KANSL1: variants seen among roughly 807,000 people sequenced by gnomAD.
KANSL1 encodes the protein KAT8 regulatory NSL complex subunit 1, also known as MLL1/MLL complex subunit KANSL1.
Under a neutral mutation model 103.6 loss-of-function variants are expected in KANSL1, and 22 were observed. The observed-to-expected ratio is 0.21, with a 90% CI of 0.15 to 0.30. KANSL1 has a LOEUF of 0.30. Among genes scored for constraint, KANSL1 ranks in the 10% least tolerant of loss-of-function variants. KANSL1 has a pLI of 1.00. For missense variants in KANSL1, 1,337 were observed against 1,399.8 expected, an observed-to-expected ratio of 0.96 and a Z score of 0.72; for synonymous variants, 600 against 527.6, an observed-to-expected ratio of 1.14 and a Z score of -1.88.
chr17:46,034,135 A>C (rs757306930), intron 11 of KANSL1, 26 bp downstream of exon 11: 1 of 1,611,918 alleles, frequency 6.2e-7, no homozygotes, highest in African/African-American at 1.3e-5. Flanking sequence ...GAATGGGGAG[A>C]GGAGCCAACT....
intron 2 of KANSL1, among the ~76,000 whole-genome samples, chr17:46,117,809 CA>C: frequency 6.6e-6 from 1 of 152,210 alleles, no homozygotes; most frequent in African/African-American, 2.4e-5. Context: ...TCAAATAACT[CA>C]AAAAGACACA....
At chr17:46,074,435 A>C (rs1393631765) in intron 4 of KANSL1, among the ~76,000 whole-genome samples, 2 of 152,182 alleles carry the variant, frequency 1.3e-5, no homozygotes, top group East Asian at 1.9e-4. Context: ...GAAGTAGAAC[A>C]ACCACCCTTT....
chr17:46,224,171 A>G (rs1440235750), upstream of KANSL1, among the ~76,000 whole-genome samples: 1 of 152,250 alleles, frequency 6.6e-6, no homozygotes, highest in Non-Finnish European at 1.5e-5. Context: ...ATATTTAGTA[A>G]AGTAAAACTT....
At chr17:46,222,265 C>G (rs1353055036) in intron 1 of KANSL1, 1 of 146,518 alleles carries the variant, frequency 6.8e-6, no homozygotes, top group Non-Finnish European at 1.6e-5. Context: ...GAGGTAAAAC[C>G]TTAAACACTG....
At position 46,180,425 on chromosome 17, in the gene KANSL1, G is replaced by A. The variant is rs192169491; in HGVS notation, c.-89-8193C>T. On this transcript the variant is annotated intron_variant, in intron 1 of 14. Transcript: ENST00000432791. ...TGGTAGGAGAATCGCTGAAACCTGAGCGGCAGAGGTTGCAGTGAGCCGAGA... is the reference window on the plus strand; with the variant it reads ...TGGTAGGAGAATCGCTGAAACCTGAACGGCAGAGGTTGCAGTGAGCCGAGA... Among the ~76,000 whole-genome samples, 55 of 152,300 alleles carry A rather than the reference G, an allele frequency of 3.6e-4. No individual in the cohort carries two copies. The East Asian group carries it at 9.1e-3, about 25-fold the overall frequency.
chr17:46,113,130 G>A (rs891562967), intron 2 of KANSL1, among the ~76,000 whole-genome samples: 16 of 152,140 alleles, frequency 1.1e-4, no homozygotes, highest in Admixed American at 2.6e-4. Context: ...GGGGTGGGGG[G>A]ATGGTACTTG....
intron 2 of KANSL1, among the ~76,000 whole-genome samples, chr17:46,132,239 T>C (rs1168212487): frequency 6.6e-6 from 1 of 152,242 alleles, no homozygotes; most frequent in Non-Finnish European, 1.5e-5. Context: ...TTCCCATTTA[T>C]TTAGCTGTGT....
At chr17:46,180,348 AT>A (rs1211788076) in intron 1 of KANSL1, among the ~76,000 whole-genome samples, 1 of 151,912 alleles carries the variant, frequency 6.6e-6, no homozygotes, top group African/African-American at 2.4e-5. Context: ...ATACAAAAAA[AT>A]CAGCTGGGTG....
intron 2 of KANSL1, among the ~76,000 whole-genome samples, chr17:46,139,869 GGA>G (rs1247071458): frequency 4.6e-5 from 7 of 152,128 alleles, no homozygotes; most frequent in Non-Finnish European, 8.8e-5. Context: ...AAAAGAAAAA[GGA>G]GAGAGGGAAG....
chr17:46,053,587 A>G (rs1043860572), intron 6 of KANSL1, among the ~76,000 whole-genome samples: 7 of 151,822 alleles, frequency 4.6e-5, no homozygotes, highest in African/African-American at 1.5e-4. Flanking sequence ...GCCCACCACC[A>G]CACCCAGCTA....
chr17:46,087,873 T>TCATA (rs2079224420), intron 3 of KANSL1, among the ~76,000 whole-genome samples: 1 of 124,784 alleles, frequency 8.0e-6, no homozygotes, highest in African/African-American at 2.5e-5. Context: ...TGAGAAAACT[T>TCATA]CATAATGTTC....
chr17:46,075,638 A>G (rs1039445375), intron 4 of KANSL1, among the ~76,000 whole-genome samples: 2 of 152,226 alleles, frequency 1.3e-5, no homozygotes, highest in Non-Finnish European at 2.9e-5. Context: ...GCCTAAAATC[A>G]TATTTTAAAA....
upstream of KANSL1, among the ~76,000 whole-genome samples, chr17:46,197,002 C>T (rs1196243866): frequency 6.6e-6 from 1 of 152,042 alleles, no homozygotes; most frequent in Non-Finnish European, 1.5e-5. Flanking sequence ...GTAGTCCAAG[C>T]TACTCAGAGG....
chr17:46,085,580 C>T (rs574714828), intron 3 of KANSL1, among the ~76,000 whole-genome samples: 5 of 152,214 alleles, frequency 3.3e-5, no homozygotes, highest in African/African-American at 7.2e-5. Context: ...ACCTCCCCCT[C>T]CCGGGCTCAA....
At position 46,030,673 on chromosome 17, in the gene KANSL1, G is replaced by A. The variant is rs2146291730; in HGVS notation, c.*803C>T. 6.6e-6 allele frequency: 1 copy of A among 152,144 alleles called. No individual in the cohort carries two copies. Among genetic ancestry groups the A allele is most frequent in the Non-Finnish European group, 1.5e-5 (1 of 68,006 alleles). The allele number at this position is 152,144 out of a possible 1,614,324, so 9.4% of individuals were successfully genotyped here. ...GCAGGGGAGTGGGAATAGAGGTTAA[G>A]TAGTCCTAACCCTACCTTCAAAGAT... On this transcript the variant is annotated 3_prime_UTR_variant, in exon 15 of 15. Transcript: ENST00000432791.
chr17:46,101,375 C>T (rs1177755972), intron 2 of KANSL1, among the ~76,000 whole-genome samples: 1 of 152,180 alleles, frequency 6.6e-6, no homozygotes, highest in Non-Finnish European at 1.5e-5. Context: ...CAAATAAGAA[C>T]AACATCTGCT....
intron 4 of KANSL1, among the ~76,000 whole-genome samples, chr17:46,078,201 G>A (rs888955516): frequency 3.3e-5 from 5 of 152,090 alleles, no homozygotes; most frequent in South Asian, 2.1e-4. Context: ...GAATGCCTTC[G>A]TCCTGGGAAA....
intron 6 of KANSL1, among the ~76,000 whole-genome samples, chr17:46,064,931 T>G (rs1476960559): frequency 6.6e-6 from 1 of 152,034 alleles, no homozygotes; most frequent in Non-Finnish European, 1.5e-5. Context: ...GTGCACAACG[T>G]GCAGGTTAGT....
chr17:46,158,909 T>C (rs1371985507), intron 2 of KANSL1, among the ~76,000 whole-genome samples: 1 of 152,256 alleles, frequency 6.6e-6, no homozygotes, highest in East Asian at 1.9e-4. Flanking sequence ...ACCCATCTGT[T>C]ACAGGCCTTT....
Sources: gnomAD v4.1 joint callset for allele counts (sites outside exome capture counted in the v4.1 genomes callset) on GRCh38, gnomAD v4.1.1 for gene constraint, MANE v1.5 for transcripts, NCBI Gene and HGNC (gene_info 2026-07-23, HGNC 2026-07-21) for gene names.